SHISAL2B: variants seen among roughly 807,000 people sequenced by gnomAD.
SHISAL2B encodes protein shisa-like-2B.
A neutral mutation model predicts 16.5 loss-of-function variants in SHISAL2B; 12 were observed. That is an observed-to-expected ratio of 0.73 (90% confidence interval 0.47 to 1.18). The LOEUF is 1.18. Ranked by LOEUF, SHISAL2B falls within the 50% of genes most tolerant of loss-of-function variation. The probability of loss-of-function intolerance (pLI) is 0.00; values close to 1 mark genes in which losing one functional copy is unlikely to be tolerated. For synonymous variants in SHISAL2B, 72 were observed against 75.0 expected (o/e 0.96, Z 0.21); for missense variants, 183 against 193.6 (o/e 0.95, Z 0.33).
intron 2 of SHISAL2B, among the ~76,000 whole-genome samples, chr5:64,700,260 G>A (rs1038041190): frequency 5.3e-5 from 8 of 152,116 alleles, no homozygotes; most frequent in Non-Finnish European, 1.2e-4. Flanking sequence ...TTTTCCACCA[G>A]AGAATCCTTA....
chr5:64,702,512 A>T (rs1372808595), intron 2 of SHISAL2B, among the ~76,000 whole-genome samples: 1 of 152,044 alleles, frequency 6.6e-6, no homozygotes, highest in African/African-American at 2.4e-5. Context: ...AATATAGTTA[A>T]TTTTTAACTA....
At chr5:64,695,253 A>G (rs987266412) in intron 1 of SHISAL2B, among the ~76,000 whole-genome samples, 2 of 139,672 alleles carry the variant, frequency 1.4e-5, no homozygotes, top group African/African-American at 5.8e-5. Context: ...CTTCAGAGTG[A>G]GACACCATCT....
intron 1 of SHISAL2B, among the ~76,000 whole-genome samples, chr5:64,692,439 C>T (rs939354330): frequency 4.6e-5 from 7 of 152,198 alleles, no homozygotes; most frequent in African/African-American, 1.7e-4. Flanking sequence ...AGAAAAATCA[C>T]TTCAACTGAT....
Position 64,690,786 on chromosome 5 carries a change from T to C in SHISAL2B, c.163T>C (p.Tyr55His), listed in dbSNP as rs776000409. 3 of 1,544,470 alleles carry C rather than the reference T, an allele frequency of 1.9e-6. No homozygotes were observed. The highest frequency in any genetic ancestry group is 2.6e-6 in the Non-Finnish European group (3 of 1,151,938). The change falls in exon 1 of 3, where the codon TAC (tyrosine) becomes CAC (histidine). Residue 55 changes from tyrosine (Y) to histidine (H), a missense_variant. Coordinates refer to ENST00000389074, the MANE Select transcript of SHISAL2B (RefSeq NM_001164442.2). ...CCSEPGSYFP[Y>H]KHSYMWSLSI... ...CAGCGAGCCGGGCAGCTACTTCCCC[T>C]ACAAGCACAGCTACATGTGGAGCCT...
chr5:64,695,410 C>A, intron 1 of SHISAL2B, 97 bp from the exon 2 acceptor site: 1 of 811,468 alleles, frequency 1.2e-6, no homozygotes, highest in Non-Finnish European at 1.7e-6. Context: ...TTATGAATAA[C>A]TGAAAACAAG....
chr5:64,703,870 G>T (rs1376336360), intron 2 of SHISAL2B, among the ~76,000 whole-genome samples: 1 of 152,098 alleles, frequency 6.6e-6, no homozygotes, highest in African/African-American at 2.4e-5. Flanking sequence ...TTGAGGGGAA[G>T]GCAGGGCATT....
Position 64,695,582 on chromosome 5 carries a change from C to T in SHISAL2B, c.267C>T (p.Cys89=), listed in dbSNP as rs1580518618. The T allele has an allele frequency of 6.5e-7, 1 of 1,536,662 alleles. No homozygotes were observed. Among genetic ancestry groups the T allele is most frequent in the East Asian group, 2.4e-5 (1 of 40,878 alleles). Residue 89 remains cysteine (C), a synonymous_variant, in exon 2 of 3, where the codon TGC becomes TGT. Transcript: ENST00000389074. The part of the protein sequence containing the change: ...LAFVISVCVL[C]YLFLYTKPQR... ...TTGTCATCAGTGTCTGTGTCCTTTG[C>T]TATTTATTTCTGTATACGAAACCTC...
chr5:64,692,186 T>A (rs895294510), intron 1 of SHISAL2B, among the ~76,000 whole-genome samples: 2 of 152,290 alleles, frequency 1.3e-5, no homozygotes, highest in African/African-American at 4.8e-5. Flanking sequence ...GTAATCTATC[T>A]CTGGGTCATT....
intron 1 of SHISAL2B, among the ~76,000 whole-genome samples, chr5:64,692,620 A>G (rs909611009): frequency 5.9e-5 from 9 of 152,206 alleles, no homozygotes; most frequent in Admixed American, 4.6e-4. Context: ...TTGAGATTCT[A>G]TAGTGGCAGG....
intron 2 of SHISAL2B, among the ~76,000 whole-genome samples, chr5:64,717,326 A>G (rs1742070670): frequency 6.6e-6 from 1 of 152,176 alleles, no homozygotes; most frequent in African/African-American, 2.4e-5. Flanking sequence ...AACTTTTCCT[A>G]ACACTGTTCA....
intron 2 of SHISAL2B, among the ~76,000 whole-genome samples, chr5:64,696,382 G>T (rs971560699): frequency 1.3e-5 from 2 of 152,132 alleles, no homozygotes; most frequent in African/African-American, 4.8e-5. Flanking sequence ...CCTTGAAAAA[G>T]AACAGAATAA....
rs1331708425 is a variant in SHISAL2B at position 64,717,867 on chromosome 5, ATT to A, written c.350-19_350-18del. ...AACGATGTCATAATTTCAAATAATTATTTTGTTTTGTGTATCTGCAGGCAAGT... is the reference window on the plus strand; with the variant it reads ...AACGATGTCATAATTTCAAATAATTATTGTTTTGTGTATCTGCAGGCAAGT... On this transcript the variant is annotated intron_variant, in intron 2 of 2. Coordinates refer to ENST00000389074, the MANE Select transcript of SHISAL2B (RefSeq NM_001164442.2). 6.7e-6 allele frequency: 10 copies of A among 1,492,820 alleles called. No homozygotes were observed. The highest frequency in any genetic ancestry group is 7.0e-6 in the Non-Finnish European group (8 of 1,135,376). The allele number at this position is 1,492,820 out of a possible 1,614,324, so 92.5% of individuals were successfully genotyped here. A position where few individuals can be genotyped will look rare whatever the true frequency, so the allele number is the denominator to read the frequency against.
At chr5:64,692,779 CTGT>C (rs1463365493) in intron 1 of SHISAL2B, among the ~76,000 whole-genome samples, 1 of 152,178 alleles carries the variant, frequency 6.6e-6, no homozygotes. Context: ...TCTTCCTTTC[CTGT>C]GTCTGGCCCC....
intron 1 of SHISAL2B, chr5:64,691,282 T>C: frequency 6.4e-6 from 1 of 156,252 alleles, no homozygotes; most frequent in Non-Finnish European, 1.4e-5. Flanking sequence ...GGGCTCTTCT[T>C]ACTGCATTAA....
chr5:64,702,554 T>C (rs1741824966), intron 2 of SHISAL2B, among the ~76,000 whole-genome samples: 2 of 152,136 alleles, frequency 1.3e-5, no homozygotes, highest in Admixed American at 1.3e-4. Flanking sequence ...GTATTAGTAA[T>C]TAGTTATAGT....
In SHISAL2B at chr5:64,695,604, C is replaced by A; in HGVS notation, c.289C>A (p.Pro97Thr). Residue 97 changes from proline to threonine, a missense_variant, in exon 2 of 3, where the codon CCT becomes ACT. Coordinates refer to ENST00000389074, the MANE Select transcript of SHISAL2B (RefSeq NM_001164442.2). ...TTGCTATTTATTTCTGTATACGAAA[C>A]CTCAAAGATTAGACACTGGCCTTAA... Reference protein sequence around the residue: ...VLCYLFLYTKPQRLDTGLKLQ... With the variant: ...VLCYLFLYTKTQRLDTGLKLQ... 1.3e-6 allele frequency: 2 copies of A among 1,536,714 alleles called. No individual in the cohort carries two copies. Among genetic ancestry groups the A allele is most frequent in the African/African-American group, 1.4e-5 (1 of 73,124 alleles).
At chr5:64,714,574 C>G (rs1022539708) in intron 2 of SHISAL2B, among the ~76,000 whole-genome samples, 14 of 152,154 alleles carry the variant, frequency 9.2e-5, no homozygotes, top group East Asian at 3.9e-4. Context: ...CCACCCAGTT[C>G]GAGCTTCCCG....
intron 2 of SHISAL2B, among the ~76,000 whole-genome samples, chr5:64,707,657 C>G (rs1741893010): frequency 6.6e-6 from 1 of 152,090 alleles, no homozygotes; most frequent in South Asian, 2.1e-4. Flanking sequence ...AGAAATCAGG[C>G]AGAGAGAAAT....
At chr5:64,697,250 T>C (rs1741751141) in intron 2 of SHISAL2B, among the ~76,000 whole-genome samples, 1 of 152,222 alleles carries the variant, frequency 6.6e-6, no homozygotes, top group Non-Finnish European at 1.5e-5. Flanking sequence ...GGCTAGTCAG[T>C]GGTCAGTTAA....
Sources: allele counts gnomAD v4.1 joint callset (sites outside exome capture counted in the v4.1 genomes callset), GRCh38; gene constraint gnomAD v4.1.1; transcripts MANE v1.5; gene names NCBI Gene and HGNC (gene_info 2026-07-23, HGNC 2026-07-21).